Variants in NXPE2 observed in about 807,000 individuals in gnomAD.
NXPE2 encodes the protein neurexophilin and PC-esterase domain family member 2.
In NXPE2, 34 loss-of-function variants were observed where a neutral mutation model predicts 34.4. The observed-to-expected ratio is 0.99, with a 90% CI of 0.75 to 1.31. The LOEUF is 1.31. Among genes scored for constraint, NXPE2 ranks in the 40% most tolerant of loss-of-function variants. The pLI, the probability that NXPE2 is intolerant of heterozygous loss-of-function variation, is 0.00. For synonymous variants in NXPE2, 235 were observed against 231.3 expected (o/e 1.02, Z -0.15); for missense variants, 649 against 672.5 (o/e 0.97, Z 0.39).
downstream of NXPE2, among the ~76,000 whole-genome samples, chr11:114,708,287 G>A (rs559622146): frequency 1.3e-5 from 2 of 152,228 alleles, no homozygotes; most frequent in African/African-American, 4.8e-5. Context: ...AAACAACTTA[G>A]TATTATGTTA....
the NXPE2 span, among the ~76,000 whole-genome samples, chr11:114,742,300 G>A: frequency 1.3e-5 from 2 of 152,154 alleles, no homozygotes; most frequent in Admixed American, 6.5e-5. Flanking sequence ...CTGGGCCCAA[G>A]CAGCTCACAG....
the NXPE2 span, among the ~76,000 whole-genome samples, chr11:114,757,738 G>T: frequency 6.6e-6 from 1 of 151,990 alleles, no homozygotes; most frequent in African/African-American, 2.4e-5. Flanking sequence ...GTGGCAAATG[G>T]GATACTCATT....
intron 2 of NXPE2, among the ~76,000 whole-genome samples, chr11:114,692,456 C>G (rs1361928049): frequency 6.6e-6 from 1 of 152,182 alleles, no homozygotes; most frequent in Non-Finnish European, 1.5e-5. Flanking sequence ...CCACCTGAGT[C>G]TGCTCCAGGC....
the NXPE2 span, among the ~76,000 whole-genome samples, chr11:114,741,484 C>T: frequency 3.3e-5 from 5 of 152,040 alleles, no homozygotes; most frequent in African/African-American, 1.2e-4. Context: ...TCCTATAAAT[C>T]CCATAGACTT....
the NXPE2 span, among the ~76,000 whole-genome samples, chr11:114,742,296 C>G: frequency 0.02 from 3,020 of 152,194 alleles, 96 homozygotes; most frequent in African/African-American, 0.07. Context: ...AAGCCTGGGC[C>G]CAAGCAGCTC....
chr11:114,772,347 A>G, the NXPE2 span, among the ~76,000 whole-genome samples: 2 of 152,138 alleles, frequency 1.3e-5, no homozygotes, highest in Non-Finnish European at 2.9e-5. Context: ...CTAAAGCAAA[A>G]AAGGAAACTA....
At chr11:114,519,739 G>A in the NXPE2 span, among the ~76,000 whole-genome samples, 1 of 152,068 alleles carries the variant, frequency 6.6e-6, no homozygotes, top group Non-Finnish European at 1.5e-5. Flanking sequence ...TGTCTTGTGT[G>A]TGGGACATTT....
chr11:114,581,390 G>A, the NXPE2 span, among the ~76,000 whole-genome samples: 1 of 152,170 alleles, frequency 6.6e-6, no homozygotes, highest in African/African-American at 2.4e-5. Flanking sequence ...GAGGTGATGG[G>A]AGTGGTATGA....
At chr11:114,739,402 C>T in the NXPE2 span, among the ~76,000 whole-genome samples, 6 of 136,348 alleles carry the variant, frequency 4.4e-5, no homozygotes, top group African/African-American at 1.6e-4. Flanking sequence ...CTCCCTCCCT[C>T]CCTCGCTCCT....
the NXPE2 span, chr11:114,594,848 A>T: frequency 1.3e-6 from 1 of 773,960 alleles, no homozygotes; most frequent in East Asian, 2.5e-5. Flanking sequence ...AACATTTGAA[A>T]TTTTTTTGGC....
chr11:114,649,422 G>C, the NXPE2 span, among the ~76,000 whole-genome samples: 1 of 152,162 alleles, frequency 6.6e-6, no homozygotes, highest in South Asian at 2.1e-4. Flanking sequence ...TGAACTACTA[G>C]TACATGTTAG....
the NXPE2 span, among the ~76,000 whole-genome samples, chr11:114,630,826 A>G: frequency 1.3e-5 from 2 of 151,942 alleles, no homozygotes; most frequent in East Asian, 3.8e-4. Flanking sequence ...CAAATTTACA[A>G]GAAAAAAACA....
chr11:114,535,389 C>T, the NXPE2 span, among the ~76,000 whole-genome samples: 1 of 152,124 alleles, frequency 6.6e-6, no homozygotes, highest in Non-Finnish European at 1.5e-5. Context: ...AGCAAAATAA[C>T]CAGCTAACAT....
the NXPE2 span, among the ~76,000 whole-genome samples, chr11:114,506,812 A>T: frequency 6.6e-6 from 1 of 152,184 alleles, no homozygotes; most frequent in Non-Finnish European, 1.5e-5. Flanking sequence ...CTAACATCAC[A>T]ACTAAAAGAA....
At chr11:114,731,730 C>T in the NXPE2 span, among the ~76,000 whole-genome samples, 2 of 152,104 alleles carry the variant, frequency 1.3e-5, no homozygotes, top group African/African-American at 4.8e-5. Flanking sequence ...TAAATCAGTG[C>T]ATATAATACA....
the NXPE2 span, among the ~76,000 whole-genome samples, chr11:114,754,310 C>A: frequency 6.6e-6 from 1 of 152,020 alleles, no homozygotes. Context: ...TTTTTCCTGA[C>A]CACCTGTGTT....
At chr11:114,495,326 G>A in the NXPE2 span, among the ~76,000 whole-genome samples, 1 of 152,074 alleles carries the variant, frequency 6.6e-6, no homozygotes, top group African/African-American at 2.4e-5. Flanking sequence ...CTGGCTGCTG[G>A]TGGGTCCAGA....
At chr11:114,801,212 A>C in the NXPE2 span, among the ~76,000 whole-genome samples, 1 of 152,242 alleles carries the variant, frequency 6.6e-6, no homozygotes, top group Non-Finnish European at 1.5e-5. Flanking sequence ...TCAGATTGTG[A>C]TAAGATACTT....
At chr11:114,561,199 A>G in the NXPE2 span, among the ~76,000 whole-genome samples, 2 of 152,230 alleles carry the variant, frequency 1.3e-5, no homozygotes, top group African/African-American at 4.8e-5. Context: ...GATTAAATGA[A>G]TTAATACATG....
Sources: allele counts gnomAD v4.1 joint callset (sites outside exome capture counted in the v4.1 genomes callset), GRCh38; gene constraint gnomAD v4.1.1; transcripts MANE v1.5; gene names NCBI Gene and HGNC (gene_info 2026-07-23, HGNC 2026-07-21).